Variants in PPP2R3C observed in about 807,000 individuals in gnomAD.
PPP2R3C encodes the protein protein phosphatase 2 regulatory subunit B''gamma.
A neutral mutation model predicts 63.7 loss-of-function variants in PPP2R3C; 47 were observed. The ratio of observed to expected loss-of-function variants is 0.74; its 90% confidence interval spans 0.58 to 0.94. The LOEUF is 0.94. Among genes scored for constraint, PPP2R3C ranks in the 40% least tolerant of loss-of-function variants. PPP2R3C has a pLI of 0.00. For synonymous variants in PPP2R3C, 180 were observed against 177.4 expected (o/e 1.01, Z -0.12); for missense variants, 421 against 518.4 (o/e 0.81, Z 1.82).
chr14:35,110,616 T>C lies in PPP2R3C; in HGVS notation c.200A>G (p.Asp67Gly). The change falls in exon 3 of 13, where the codon GAT becomes GGT. Residue 67 changes from aspartate (D) to glycine (G), a missense_variant. Asp to Gly is a moderately conservative substitution (Grantham distance 94). Around this residue, in one of 3 missense-constraint regions of PPP2R3C, gnomAD observed 143 missense variants for 151.2 expected, o/e 0.95. Transcript: ENST00000261475. ...PRFYYRLPAE[D>G]EVLLQKLREE... ...TCTTAATTTCTGTAGTAAGACTTCA[T>C]CTTCAGCAGGCAGCTGAAAATACAA... is the stretch of plus-strand genomic sequence containing the variant. The C allele has an allele frequency of 6.2e-7, 1 of 1,609,330 alleles. No individual in the cohort carries two copies. Among genetic ancestry groups the C allele is most frequent in the Non-Finnish European group, 8.5e-7 (1 of 1,178,182 alleles).
intron 10 of PPP2R3C, among the ~76,000 whole-genome samples, chr14:35,094,392 C>T (rs999358475): frequency 7.3e-5 from 11 of 151,718 alleles, no homozygotes; most frequent in Non-Finnish European, 1.5e-4. Context: ...TAGTTTTGAA[C>T]GACTGGCCTT....
Position 35,099,403 on chromosome 14 carries a change from A to ATT in PPP2R3C, c.574-20_574-19insAA, listed in dbSNP as rs1185354681. 3 of 1,586,390 alleles carry ATT rather than the reference A, an allele frequency of 1.9e-6. No homozygotes were observed. The highest frequency in any genetic ancestry group is 2.6e-6 in the Non-Finnish European group (3 of 1,173,572). ...CTAAATCCTGAAAATAAAACAAAAT[A>ATT]AAGTGTTAAATGTCCAGTCTTGATT... is the stretch of plus-strand genomic sequence containing the variant. On this transcript the variant is annotated intron_variant, in intron 6 of 12. Transcript: ENST00000261475.
At chr14:35,094,495 A>C (rs2045932893) in intron 10 of PPP2R3C, among the ~76,000 whole-genome samples, 2 of 151,848 alleles carry the variant, frequency 1.3e-5, no homozygotes, top group Non-Finnish European at 2.9e-5. Context: ...AAAAAAAAAA[A>C]ACTAGAATGC....
chr14:35,094,575 T>C (rs1458336615), intron 10 of PPP2R3C, among the ~76,000 whole-genome samples: 2 of 151,614 alleles, frequency 1.3e-5, no homozygotes, highest in Non-Finnish European at 2.9e-5. Context: ...GAGGCCATAA[T>C]GCAGATGTTT....
chr14:35,112,230 C>A (rs1020441164), intron 2 of PPP2R3C, among the ~76,000 whole-genome samples: 3 of 152,180 alleles, frequency 2.0e-5, no homozygotes, highest in Non-Finnish European at 4.4e-5. Context: ...TAGAATGATT[C>A]ATTCCAACCT....
intron 10 of PPP2R3C, among the ~76,000 whole-genome samples, chr14:35,092,477 T>C (rs937592884): frequency 2.6e-5 from 4 of 152,144 alleles, no homozygotes; most frequent in Admixed American, 6.5e-5. Context: ...AGTATAATTT[T>C]TTTTTTGAGA....
intron 9 of PPP2R3C, among the ~76,000 whole-genome samples, chr14:35,096,012 T>C (rs983558434): frequency 1.3e-5 from 2 of 152,140 alleles, no homozygotes; most frequent in Non-Finnish European, 2.9e-5. Context: ...AGGATCAAAT[T>C]ACATTCTGTT....
chr14:35,099,488 GAAAT>G (rs2046114873), intron 6 of PPP2R3C, 104 bp from the exon 7 acceptor site: 2 of 1,282,110 alleles, frequency 1.6e-6, no homozygotes, highest in Non-Finnish European at 2.1e-6. Context: ...TATTGATAAA[GAAAT>G]AAATGCATGA....
At chr14:35,110,061 C>A in intron 3 of PPP2R3C, 130 bp from the exon 4 acceptor site, 1 of 637,622 alleles carries the variant, frequency 1.6e-6, no homozygotes. Flanking sequence ...AATCTCATGC[C>A]CTATTATCCT....
At chr14:35,111,006 AG>A (rs2046538442) in intron 2 of PPP2R3C, among the ~76,000 whole-genome samples, 1 of 152,150 alleles carries the variant, frequency 6.6e-6, no homozygotes, top group South Asian at 2.1e-4. Context: ...TGGGTGGCCG[AG>A]GCAGGCGGAT....
rs759414942 is a variant in PPP2R3C, at chr14:35,110,511, T to G, written c.291+14A>C. 8 of 1,540,572 alleles carry G rather than the reference T, an allele frequency of 5.2e-6. No individual in the cohort carries two copies. The East Asian group carries it at 1.6e-4, about 30-fold the overall frequency. On this transcript the variant is annotated intron_variant, in intron 3 of 12. Transcript: ENST00000261475. ...ATGGTTAACATCTAAAGCAACTTTTTGCTTTGTTCTTACCTGTAATTCTTC... is the reference window on the plus strand; with the variant it reads ...ATGGTTAACATCTAAAGCAACTTTTGGCTTTGTTCTTACCTGTAATTCTTC...
intron 10 of PPP2R3C, among the ~76,000 whole-genome samples, 168 bp from the exon 11 acceptor site, chr14:35,091,375 A>T (rs932713516): frequency 6.6e-6 from 1 of 151,990 alleles, no homozygotes; most frequent in Admixed American, 6.6e-5. Context: ...TTTCTAGGGA[A>T]TTTTTTTCGA....
chr14:35,101,456 ATCT>A, intron 6 of PPP2R3C: 1 of 152,330 alleles, frequency 6.6e-6, no homozygotes, highest in Admixed American at 6.5e-5. Context: ...AAATAAAAAT[ATCT>A]TCTTTCAACT....
At chr14:35,111,235 CAAAAAAA>C (rs3058398) in intron 2 of PPP2R3C, among the ~76,000 whole-genome samples, 5 of 89,794 alleles carry the variant, frequency 5.6e-5, no homozygotes, top group African/African-American at 2.1e-4. Context: ...CTCCATCTAC[CAAAAAAA>C]AAAAAAAAAA....
rs763646752 is a variant in PPP2R3C, at chr14:35,088,046, T to C, written c.1114-36A>G. The C allele has an allele frequency of 2.4e-5, 35 of 1,446,596 alleles. No homozygotes were observed. In the South Asian group the frequency reaches 3.8e-4, roughly 16 times the overall value. The allele number at this position is 1,446,596 out of a possible 1,614,324, so 89.6% of individuals were successfully genotyped here. ...TAGAAATAAATCTGTAAATAAAAAA[T>C]GAAATACACAACATCCCTCTTTTGC... On this transcript the variant is annotated intron_variant, in intron 11 of 12. Coordinates refer to ENST00000261475, the MANE Select transcript of PPP2R3C (RefSeq NM_017917.4).
At chr14:35,098,243 C>T (rs953012980) in intron 7 of PPP2R3C, among the ~76,000 whole-genome samples, 11 of 149,850 alleles carry the variant, frequency 7.3e-5, no homozygotes, top group Non-Finnish European at 8.9e-5. Flanking sequence ...TGCAGTGGCC[C>T]GATCTTGGCT....
At chr14:35,099,646 C>T in intron 6 of PPP2R3C, 1 of 317,266 alleles carries the variant, frequency 3.2e-6, no homozygotes, top group Middle Eastern at 9.8e-4. Context: ...TTTCTTCTCC[C>T]CAAAGGTTAA....
intron 3 of PPP2R3C, 37 bp downstream of exon 3, chr14:35,110,488 G>T: frequency 1.5e-6 from 2 of 1,358,588 alleles, no homozygotes; most frequent in Non-Finnish European, 2.1e-6. Context: ...AATGAGAAAT[G>T]GTTAACATCT....
At chr14:35,091,990 G>C (rs1005577630) in intron 10 of PPP2R3C, among the ~76,000 whole-genome samples, 2 of 152,198 alleles carry the variant, frequency 1.3e-5, no homozygotes, top group African/African-American at 4.8e-5. Context: ...AAAGTGCTGG[G>C]ATTATAGGCA....
Sources: gnomAD v4.1 joint callset for allele counts (sites outside exome capture counted in the v4.1 genomes callset) on GRCh38, gnomAD v4.1.1 for gene constraint, gnomAD v4.1.1 regional missense constraint, MANE v1.5 for transcripts, NCBI Gene and HGNC (gene_info 2026-07-23, HGNC 2026-07-21) for gene names.